NEDD4L: variants seen among roughly 807,000 people sequenced by gnomAD.
NEDD4L encodes the protein E3 ubiquitin-protein ligase NEDD4-like.
In NEDD4L, 54 loss-of-function variants were observed where a neutral mutation model predicts 148.9. That is an observed-to-expected ratio of 0.36 (90% CI 0.29 to 0.45). The LOEUF is 0.45. NEDD4L is among the 20% of genes least tolerant of loss of function. NEDD4L has a pLI of 1.00. For synonymous variants in NEDD4L, 433 were observed against 440.7 expected (o/e 0.98, Z 0.22); for missense variants, 856 against 1,233.8 (o/e 0.69, Z 4.59).
chr18:58,062,473 T>G (rs1259785002), intron 1 of NEDD4L, among the ~76,000 whole-genome samples: 5 of 152,214 alleles, frequency 3.3e-5, no homozygotes. Context: ...ATACTGAGTT[T>G]ATGTTTTAAT....
At chr18:58,363,310 A>G (rs1270764327) in intron 19 of NEDD4L, among the ~76,000 whole-genome samples, 1 of 152,234 alleles carries the variant, frequency 6.6e-6, no homozygotes, top group African/African-American at 2.4e-5. Context: ...AAGGATCAGT[A>G]TATTTTATTA....
chr18:58,278,197 A>G (rs1377241017), intron 5 of NEDD4L, among the ~76,000 whole-genome samples: 1 of 152,164 alleles, frequency 6.6e-6, no homozygotes, highest in Non-Finnish European at 1.5e-5. Flanking sequence ...CTTTCTCTCC[A>G]CTGGAAATGC....
chr18:58,261,032 C>A (rs989411230), intron 5 of NEDD4L, among the ~76,000 whole-genome samples: 2 of 152,104 alleles, frequency 1.3e-5, no homozygotes, highest in Non-Finnish European at 2.9e-5. Flanking sequence ...AGTCTTTCCC[C>A]TAGCAGGTTA....
At chr18:58,118,976 G>C (rs11664018) in intron 1 of NEDD4L, among the ~76,000 whole-genome samples, 83,156 of 151,950 alleles carry the variant, frequency 0.55, 23,007 homozygotes, top group Middle Eastern at 0.62. Context: ...GGATTTTGTT[G>C]TTACCCAGGC....
chr18:58,082,098 ATATATTTTT>A (rs1319673509), intron 1 of NEDD4L, among the ~76,000 whole-genome samples: 6 of 73,284 alleles, frequency 8.2e-5, no homozygotes, highest in African/African-American at 5.7e-4. Flanking sequence ...ATATATATAT[ATATATTTTT>A]TTTTTTTTTT....
At chr18:58,095,319 C>G (rs544148349) in intron 1 of NEDD4L, among the ~76,000 whole-genome samples, 1 of 152,296 alleles carries the variant, frequency 6.6e-6, no homozygotes, top group Admixed American at 6.5e-5. Context: ...GCCAGGTGCT[C>G]GCTCTGGGAA....
chr18:58,319,137 A>G (rs1379726025), intron 6 of NEDD4L, among the ~76,000 whole-genome samples: 1 of 152,158 alleles, frequency 6.6e-6, no homozygotes, highest in African/African-American at 2.4e-5. Flanking sequence ...ATTCAAAATC[A>G]TGGAGTTTGG....
chr18:58,189,271 C>A (rs2039824679), intron 2 of NEDD4L, among the ~76,000 whole-genome samples: 1 of 152,174 alleles, frequency 6.6e-6, no homozygotes, highest in African/African-American at 2.4e-5. Flanking sequence ...CCAGCTGGTG[C>A]ATTCCCCACT....
chr18:58,270,623 G>T (rs115143580), intron 5 of NEDD4L, among the ~76,000 whole-genome samples: 2,700 of 152,212 alleles, frequency 0.018, 76 homozygotes, highest in African/African-American at 0.059. Flanking sequence ...CAACAGTGCT[G>T]TCTGGGCCTA....
At chr18:58,083,663 G>A (rs1418340396) in intron 1 of NEDD4L, among the ~76,000 whole-genome samples, 1 of 149,690 alleles carries the variant, frequency 6.7e-6, no homozygotes, top group African/African-American at 2.5e-5. Context: ...ACTCCAGCCT[G>A]GGCGACAGAG....
intron 12 of NEDD4L, chr18:58,334,128 A>G: frequency 2.3e-6 from 1 of 440,860 alleles, no homozygotes; most frequent in Non-Finnish European, 4.0e-6. Context: ...ACCCAAATTT[A>G]TACCAATTTT....
intron 7 of NEDD4L, 119 bp downstream of exon 7, chr18:58,322,605 T>G (rs371107770): frequency 6.6e-4 from 211 of 321,310 alleles, no homozygotes; most frequent in African/African-American, 6.2e-3. Flanking sequence ...CCTTGCTTGC[T>G]GTGGTGTGGG....
At chr18:58,137,551 C>A (rs575160139) in intron 1 of NEDD4L, among the ~76,000 whole-genome samples, 1 of 152,278 alleles carries the variant, frequency 6.6e-6, no homozygotes, top group East Asian at 1.9e-4. Flanking sequence ...TCGCCGAGCC[C>A]AGAGTGTGTA....
chr18:58,045,731 C>G (rs1279696428), intron 1 of NEDD4L: 2 of 152,302 alleles, frequency 1.3e-5, no homozygotes, highest in African/African-American at 2.4e-5. Context: ...GCGCTCAGGT[C>G]TGGCTCCCCT....
intron 24 of NEDD4L, among the ~76,000 whole-genome samples, chr18:58,374,951 G>T (rs1436836076): frequency 1.3e-5 from 2 of 152,130 alleles, no homozygotes; most frequent in African/African-American, 2.4e-5. Context: ...CCAGCCTCCA[G>T]AATTCCCAGG....
At chr18:58,188,421 A>G (rs12326249) in intron 2 of NEDD4L, among the ~76,000 whole-genome samples, 7,711 of 152,284 alleles carry the variant, frequency 0.051, 618 homozygotes, top group African/African-American at 0.18. Flanking sequence ...GTGGGTGGCC[A>G]GGGTCAGGAA....
chr18:58,211,949 CTAATA>C lies in NEDD4L; in HGVS notation c.123-33476_123-33472del, dbSNP rs2042639031. On this transcript the variant is annotated intron_variant, in intron 2 of 30. Transcript: ENST00000400345. ...TTGGGGGAACAGCACAGACCTCTAT[CTAATA>C]TCATAATCAGTAATAAGTCCCGGAA... Among the ~76,000 whole-genome samples the C allele has an allele frequency of 2.0e-5, 3 of 152,230 alleles. No homozygotes were observed. In the South Asian group the frequency reaches 6.2e-4, roughly 32 times the overall value.
rs963789166 is a variant in NEDD4L at position 58,168,822 on chromosome 18, T to A, written c.122+2961T>A. On this transcript the variant is annotated intron_variant, in intron 2 of 30. Transcript: ENST00000400345. Reference sequence around the variant, plus strand: ...GAAATCCTGTAGACAATGATGTTTTTAAAATCAGGGATTTGCATCTCTGGG... The same window carrying A: ...GAAATCCTGTAGACAATGATGTTTTAAAAATCAGGGATTTGCATCTCTGGG... 2.0e-5 allele frequency among the ~76,000 whole-genome samples: 3 copies of A among 152,198 alleles called. No individual in the cohort carries two copies. In the East Asian group the frequency reaches 5.8e-4, roughly 29 times the overall value.
chr18:58,063,812 C>T (rs2082455356), intron 1 of NEDD4L, among the ~76,000 whole-genome samples: 1 of 151,926 alleles, frequency 6.6e-6, no homozygotes, highest in African/African-American at 2.4e-5. Context: ...CCTCGGCCTC[C>T]CAAAGTGCTG....
Sources: allele counts gnomAD v4.1 joint callset (sites outside exome capture counted in the v4.1 genomes callset), GRCh38; gene constraint gnomAD v4.1.1; transcripts MANE v1.5; gene names NCBI Gene and HGNC (gene_info 2026-07-23, HGNC 2026-07-21).